SLC2A10: variants seen among roughly 807,000 people sequenced by gnomAD.
SLC2A10 encodes solute carrier family 2 member 10.
SLC2A10 carries 25 observed loss-of-function variants against 32.1 expected under a neutral mutation model. The ratio of observed to expected loss-of-function variants is 0.78; its 90% CI spans 0.57 to 1.09. The LOEUF (loss-of-function observed/expected upper bound fraction) is 1.09. SLC2A10 is among the 50% of genes least tolerant of loss of function. The probability of loss-of-function intolerance (pLI) is 0.00; values close to 1 mark genes in which losing one functional copy is unlikely to be tolerated. For synonymous variants in SLC2A10, 332 were observed against 309.6 expected, an observed-to-expected ratio of 1.07 and a Z score of -0.76; for missense variants, 673 against 686.5, an observed-to-expected ratio of 0.98 and a Z score of 0.22.
chr20:46,708,895 CT>C (rs958153125), upstream of SLC2A10, among the ~76,000 whole-genome samples: 2 of 152,232 alleles, frequency 1.3e-5, no homozygotes, highest in Non-Finnish European at 2.9e-5. Context: ...GCTGTTCCCC[CT>C]GCGGGGAATG....
intron 2 of SLC2A10, 124 bp from the exon 3 acceptor site, chr20:46,726,740 G>A: frequency 2.3e-6 from 3 of 1,281,776 alleles, no homozygotes; most frequent in Non-Finnish European, 3.4e-6. Flanking sequence ...AATGGGAGTG[G>A]GAGTTTAGTA....
intron 1 of SLC2A10, among the ~76,000 whole-genome samples, chr20:46,719,971 T>C (rs1979459866): frequency 6.6e-6 from 1 of 152,196 alleles, no homozygotes; most frequent in Admixed American, 6.5e-5. Flanking sequence ...TACTCAGGCC[T>C]TTTCAGTCCT....
chr20:46,729,823 T>C (rs189176462), intron 4 of SLC2A10, among the ~76,000 whole-genome samples: 306 of 151,946 alleles, frequency 2.0e-3, no homozygotes, highest in African/African-American at 7.0e-3. Context: ...TTTGTATTTT[T>C]AGTAGAGACG....
chr20:46,729,950 G>C lies in SLC2A10; in HGVS notation c.1547+462G>C, dbSNP rs6018002. ...CGGCCGGCACTATGAGTTTTGTCCG[G>C]TCACACACAAACTGTTTTCCTTGAG... On this transcript the variant is annotated intron_variant, in intron 4 of 4. Transcript: ENST00000359271. Among the ~76,000 whole-genome samples the C allele has an allele frequency of 4.6e-3, 707 of 152,214 alleles. 3 individuals carry two copies. Among genetic ancestry groups the C allele is most frequent in the African/African-American group, 0.015 (611 of 41,540 alleles).
intron 1 of SLC2A10, among the ~76,000 whole-genome samples, chr20:46,715,246 G>GTTTGTT: frequency 6.6e-6 from 1 of 152,232 alleles, no homozygotes; most frequent in East Asian, 1.9e-4. Context: ...TTGTTTGTTT[G>GTTTGTT]TTTGTTTGTT....
In SLC2A10 at chr20:46,725,098, C is replaced by A; in HGVS notation, c.62C>A (p.Thr21Asn). The change falls in exon 2 of 5, where the codon ACC becomes AAC. Residue 21 changes from threonine to asparagine, a missense_variant. Physicochemically the swap from Thr to Asn is moderately conservative, Grantham distance 65. Transcript: ENST00000359271. ...CASVSLLGGL[T>N]FGYELAVISG... ...TCTGTGTCTTTGCTGGGTGGCCTGA[C>A]CTTTGGTTATGAACTGGCAGTCATA... is the stretch of plus-strand genomic sequence containing the variant. The A allele has an allele frequency of 1.9e-6, 3 of 1,614,234 alleles. No homozygotes were observed. The highest frequency in any genetic ancestry group is 2.5e-6 in the Non-Finnish European group (3 of 1,180,038).
intron 1 of SLC2A10, among the ~76,000 whole-genome samples, chr20:46,716,971 C>T (rs573250182): frequency 6.6e-6 from 1 of 152,076 alleles, no homozygotes; most frequent in African/African-American, 2.4e-5. Flanking sequence ...TGCAGTGAGC[C>T]GGAATTACGC....
At chr20:46,718,078 C>G (rs192194053) in intron 1 of SLC2A10, among the ~76,000 whole-genome samples, 348 of 152,150 alleles carry the variant, frequency 2.3e-3, no homozygotes, top group African/African-American at 7.4e-3. Flanking sequence ...AAAAAGTTAG[C>G]CTGGCATGGT....
chr20:46,717,818 C>T (rs1325051344), intron 1 of SLC2A10, among the ~76,000 whole-genome samples: 2 of 152,212 alleles, frequency 1.3e-5, no homozygotes, highest in Non-Finnish European at 2.9e-5. Flanking sequence ...AATGCAGACA[C>T]TGAGGAGGGA....
Position 46,734,111 on chromosome 20 carries a change from A to G in SLC2A10, c.*277A>G, listed in dbSNP as rs940035737. 1.4e-5 allele frequency: 7 copies of G among 517,762 alleles called. No homozygotes were observed. The highest frequency in any genetic ancestry group is 5.8e-5 in the African/African-American group (3 of 51,922). The allele number at this position is 517,762 out of a possible 1,614,324, so 32.1% of individuals were successfully genotyped here. A position where few individuals can be genotyped will look rare whatever the true frequency, so the allele number is the denominator to read the frequency against. On this transcript the variant is annotated 3_prime_UTR_variant, in exon 5 of 5. Coordinates refer to ENST00000359271, the MANE Select transcript of SLC2A10 (RefSeq NM_030777.4). Reference sequence around the variant, plus strand: ...TCTCTGCAGTATTTATAAGAAGAATATTCTATGAAGTCTTTGTTGCACCAT... The same window carrying G: ...TCTCTGCAGTATTTATAAGAAGAATGTTCTATGAAGTCTTTGTTGCACCAT...
intron 2 of SLC2A10, among the ~76,000 whole-genome samples, chr20:46,726,610 G>A (rs146517936): frequency 2.0e-4 from 30 of 152,334 alleles, no homozygotes; most frequent in East Asian, 1.2e-3. Context: ...AATGAATAGC[G>A]TGAAAACCAA....
intron 4 of SLC2A10, among the ~76,000 whole-genome samples, chr20:46,731,855 A>G (rs6018004): frequency 0.013 from 1,944 of 152,272 alleles, 35 homozygotes; most frequent in African/African-American, 0.042. Context: ...TTCAGCAGCA[A>G]CTATTTTCAC....
chr20:46,728,447 T>C (rs1331744039), intron 3 of SLC2A10, among the ~76,000 whole-genome samples: 1 of 152,132 alleles, frequency 6.6e-6, no homozygotes, highest in Non-Finnish European at 1.5e-5. Flanking sequence ...GGCTGCTGGT[T>C]CTGAGACCCA....
intron 1 of SLC2A10, among the ~76,000 whole-genome samples, chr20:46,717,805 G>T (rs1979336474): frequency 6.6e-6 from 1 of 152,214 alleles, no homozygotes; most frequent in South Asian, 2.1e-4. Context: ...AAAGTGCTTT[G>T]AAAATGCAGA....
At position 46,735,228 on chromosome 20, in the gene SLC2A10, G is replaced by A. The variant is rs775775371; in HGVS notation, c.*1394G>A. Reference sequence around the variant, plus strand: ...GTGCTGGATGCTTTGTCATCCATGCGTGCACATATGGGTGCTGGCAGAGCC... The same window carrying A: ...GTGCTGGATGCTTTGTCATCCATGCATGCACATATGGGTGCTGGCAGAGCC... On this transcript the variant is annotated 3_prime_UTR_variant, in exon 5 of 5. Transcript: ENST00000359271. 1 of 152,544 alleles carries A rather than the reference G, an allele frequency of 6.6e-6. No homozygotes were observed. The highest frequency in any genetic ancestry group is 2.4e-5 in the African/African-American group (1 of 41,404). The allele number at this position is 152,544 out of a possible 1,614,324, so 9.4% of individuals were successfully genotyped here. A position where few individuals can be genotyped will look rare whatever the true frequency, so the allele number is the denominator to read the frequency against.
In SLC2A10 at chr20:46,726,862, A is replaced by G; in HGVS notation, c.1289-2A>G. The G allele has an allele frequency of 1.3e-6, 2 of 1,599,796 alleles. No individual in the cohort carries two copies. The highest frequency in any genetic ancestry group is 2.9e-5 in the African/African-American group (2 of 70,012). On this transcript the variant is annotated splice_acceptor_variant, in intron 2 of 4. Transcript: ENST00000359271. LOFTEE classifies it high-confidence loss of function. ...AGGAGCCCTCCTGCTCTCCCACCCT[A>G]GTGACCTGGCTTGTCCTCAGCGAGA...
rs1034162915 is a variant in SLC2A10 at position 46,736,187 on chromosome 20, T to G, written c.*2353T>G. 6.6e-6 allele frequency: 1 copy of G among 152,254 alleles called. No homozygotes were observed. The highest frequency in any genetic ancestry group is 2.4e-5 in the African/African-American group (1 of 41,462). 9.4% of individuals were successfully genotyped at this position (152,254 alleles called of 1,614,324 possible). On this transcript the variant is annotated 3_prime_UTR_variant, in exon 5 of 5. Transcript: ENST00000359271. Reference sequence around the variant, plus strand: ...TTTACAATAAAGAGTTTATTATTATTTGTAAGTTGTGTGCAACAAACATAC... The same window carrying G: ...TTTACAATAAAGAGTTTATTATTATGTGTAAGTTGTGTGCAACAAACATAC...
At position 46,733,813 on chromosome 20, in the gene SLC2A10, C is replaced by A. The variant is rs148470005; in HGVS notation, c.1605C>A (p.Ile535=). Residue 535 remains isoleucine (I), a synonymous_variant, in exon 5 of 5, where the codon ATC becomes ATA. Transcript: ENST00000359271. ...QNSTGIPYSR[I]EISAAS ...CCACTGGCATCCCGTACAGCCGCAT[C>A]GAGATCTCTGCGGCCTCCTGAGGAA... 3.7e-6 allele frequency: 6 copies of A among 1,614,014 alleles called. No homozygotes were observed. The highest frequency in any genetic ancestry group is 5.1e-6 in the Non-Finnish European group (6 of 1,179,986).
intron 1 of SLC2A10, among the ~76,000 whole-genome samples, chr20:46,715,297 T>C (rs1278350479): frequency 5.3e-5 from 8 of 152,230 alleles, no homozygotes; most frequent in Non-Finnish European, 8.8e-5. Context: ...CAACTGAACC[T>C]GCACTGATGT....
Sources: allele counts gnomAD v4.1 joint callset (sites outside exome capture counted in the v4.1 genomes callset), GRCh38; gene constraint gnomAD v4.1.1; transcripts MANE v1.5; gene names NCBI Gene and HGNC (gene_info 2026-07-23, HGNC 2026-07-21).